The following SDK1 variants were observed in gnomAD, a reference collection of about 807,000 sequenced individuals.
SDK1 encodes the protein protein sidekick-1.
SDK1 carries 157 observed loss-of-function variants against 245.5 expected under a neutral mutation model. The ratio of observed to expected loss-of-function variants is 0.64; its 90% CI spans 0.56 to 0.73. The LOEUF is 0.73. Among genes scored for constraint, SDK1 ranks in the 30% least tolerant of loss-of-function variants. SDK1 has a pLI of 0.00. For missense variants in SDK1, 3,583 were observed against 3,002.3 expected (o/e 1.19, Z -4.52); for synonymous variants, 1,647 against 1,278.5 (o/e 1.29, Z -6.15).
At chr7:4,175,632 G>A in intron 33 of SDK1, 143 bp from the exon 34 acceptor site, 1 of 738,400 alleles carries the variant, frequency 1.4e-6, no homozygotes, top group Non-Finnish European at 2.5e-6. Flanking sequence ...CGGTAGCGGG[G>A]TCTTTATTGC....
chr7:4,183,355 G>C (rs1277695181), intron 35 of SDK1, among the ~76,000 whole-genome samples: 2 of 152,272 alleles, frequency 1.3e-5, no homozygotes, highest in East Asian at 1.9e-4. Context: ...CAGCTTACAG[G>C]CTGGGTGCGG....
At chr7:3,574,337 C>T (rs987802703) in intron 1 of SDK1, among the ~76,000 whole-genome samples, 2 of 151,846 alleles carry the variant, frequency 1.3e-5, no homozygotes, top group African/African-American at 4.8e-5. Context: ...AGGCTGGTTT[C>T]GAACTCCTGA....
At chr7:4,012,549 CTTTTTTTTTTTTTTTTTTTTTTT>C (rs777199429) in intron 16 of SDK1, among the ~76,000 whole-genome samples, 820 of 25,982 alleles carry the variant, frequency 0.032, 17 homozygotes, top group African/African-American at 0.065. Flanking sequence ...CAATGTGAAG[CTTTTTTTTTTTTTTTTTTTTTTT>C]TTTTTTTTTT....
chr7:3,639,296 T>C (rs1005979584), intron 3 of SDK1, among the ~76,000 whole-genome samples, 186 bp downstream of exon 3: 2 of 152,170 alleles, frequency 1.3e-5, no homozygotes, highest in African/African-American at 2.4e-5. Flanking sequence ...TGAGGGGCTG[T>C]TGAGGCAAAG....
At chr7:3,326,156 G>C (rs1413563053) in intron 1 of SDK1, among the ~76,000 whole-genome samples, 1 of 152,090 alleles carries the variant, frequency 6.6e-6, no homozygotes, top group African/African-American at 2.4e-5. Flanking sequence ...GCAAATTGTA[G>C]AGTATATAAA....
At chr7:3,851,879 G>C (rs576045797) in intron 5 of SDK1, among the ~76,000 whole-genome samples, 4 of 152,182 alleles carry the variant, frequency 2.6e-5, no homozygotes, top group Admixed American at 1.3e-4. Context: ...AAATAAAATG[G>C]TATATTCTCA....
intron 4 of SDK1, among the ~76,000 whole-genome samples, chr7:3,684,556 T>C (rs1206836604): frequency 6.6e-6 from 1 of 152,218 alleles, no homozygotes; most frequent in South Asian, 2.1e-4. Context: ...AAAGGTCTTA[T>C]TATATCATAC....
At chr7:3,324,184 C>G (rs1779886948) in intron 1 of SDK1, among the ~76,000 whole-genome samples, 1 of 152,058 alleles carries the variant, frequency 6.6e-6, no homozygotes, top group Non-Finnish European at 1.5e-5. Flanking sequence ...TTCTGGTTCT[C>G]TTTTAGCATT....
rs781209497 is a variant in SDK1 at position 3,971,691 on chromosome 7, G to C, written c.1817+123G>C. On this transcript the variant is annotated intron_variant, in intron 12 of 44. Coordinates refer to ENST00000404826, the MANE Select transcript of SDK1 (RefSeq NM_152744.4). ...ATTTCAGCAGCAGGTCCCTGATTACGGTATCTTCTGGTTGTGGGCACCGTC... is the reference window on the plus strand; with the variant it reads ...ATTTCAGCAGCAGGTCCCTGATTACCGTATCTTCTGGTTGTGGGCACCGTC... 1.5e-5 allele frequency: 11 copies of C among 726,276 alleles called. No homozygotes were observed. The Middle Eastern group carries it at 1.5e-3, about 98-fold the overall frequency. 45.0% of individuals were successfully genotyped at this position (726,276 alleles called of 1,614,324 possible).
intron 4 of SDK1, among the ~76,000 whole-genome samples, chr7:3,776,358 A>G (rs928574004): frequency 4.6e-5 from 7 of 152,228 alleles, no homozygotes; most frequent in African/African-American, 1.7e-4. Context: ...TCCCAGTTGC[A>G]CGGTGAAAAT....
chr7:3,542,091 C>G (rs117641121), intron 1 of SDK1, among the ~76,000 whole-genome samples: 8 of 152,282 alleles, frequency 5.3e-5, no homozygotes, highest in Non-Finnish European at 7.4e-5. Context: ...TAACGTATTT[C>G]ACATTGATTT....
At chr7:3,383,443 C>G (rs986708586) in intron 1 of SDK1, among the ~76,000 whole-genome samples, 16 of 152,252 alleles carry the variant, frequency 1.1e-4, no homozygotes, top group African/African-American at 3.9e-4. Flanking sequence ...TTCCCTCTCC[C>G]CAGTTTGGAA....
At chr7:4,063,608 A>C (rs1394912833) in intron 19 of SDK1, among the ~76,000 whole-genome samples, 4 of 151,678 alleles carry the variant, frequency 2.6e-5, no homozygotes, top group Non-Finnish European at 4.4e-5. Flanking sequence ...AAAAAAAAAA[A>C]ACAAAAAACC....
At chr7:3,988,858 G>A (rs1376736284) in intron 14 of SDK1, among the ~76,000 whole-genome samples, 1 of 152,096 alleles carries the variant, frequency 6.6e-6, no homozygotes, top group African/African-American at 2.4e-5. Context: ...TACAACCTCT[G>A]CCTCCTGGGT....
intron 1 of SDK1, among the ~76,000 whole-genome samples, chr7:3,618,275 A>C (rs1781830178): frequency 6.6e-6 from 1 of 152,190 alleles, no homozygotes; most frequent in Non-Finnish European, 1.5e-5. Flanking sequence ...CCTGCTTTTC[A>C]TAAGCCATCC....
intron 19 of SDK1, among the ~76,000 whole-genome samples, chr7:4,055,492 G>C (rs990696943): frequency 6.6e-6 from 1 of 152,006 alleles, no homozygotes; most frequent in African/African-American, 2.4e-5. Flanking sequence ...ATTCTTCCTG[G>C]AGGTTCTTCA....
intron 5 of SDK1, among the ~76,000 whole-genome samples, chr7:3,885,768 A>G (rs1354191794): frequency 6.6e-6 from 1 of 152,232 alleles, no homozygotes; most frequent in African/African-American, 2.4e-5. Flanking sequence ...TTAGTTGTAC[A>G]GTTCCATTGA....
chr7:3,653,854 C>T (rs960463794), intron 4 of SDK1, among the ~76,000 whole-genome samples: 1 of 152,176 alleles, frequency 6.6e-6, no homozygotes. Flanking sequence ...CTCTGTTGCA[C>T]TTCAGCTTCA....
chr7:3,432,925 C>T (rs571697001), intron 1 of SDK1, among the ~76,000 whole-genome samples: 2 of 152,290 alleles, frequency 1.3e-5, no homozygotes, highest in East Asian at 3.9e-4. Context: ...AGATTCATAG[C>T]ATGTTATTAC....
Sources: allele counts gnomAD v4.1 joint callset (sites outside exome capture counted in the v4.1 genomes callset), GRCh38; gene constraint gnomAD v4.1.1; transcripts MANE v1.5; gene names NCBI Gene and HGNC (gene_info 2026-07-23, HGNC 2026-07-21).